ERCC5: variants seen among roughly 807,000 people sequenced by gnomAD.
ERCC5 encodes DNA excision repair protein ERCC-5.
ERCC5 carries 68 observed loss-of-function variants against 105.6 expected under a neutral mutation model. That is an observed-to-expected ratio of 0.64 (90% CI 0.53 to 0.79). The LOEUF is 0.79. ERCC5 is among the 30% of genes least tolerant of loss of function. The pLI is 0.00. For missense variants in ERCC5, 1,373 were observed against 1,426.7 expected (o/e 0.96, Z 0.61); for synonymous variants, 546 against 526.2 (o/e 1.04, Z -0.51).
In ERCC5 at chr13:102,858,279, A is replaced by G. The variant is rs1458700366; in HGVS notation, c.533A>G (p.Glu178Gly). The change falls in exon 6 of 15, where the codon GAG (glutamate) becomes GGG (glycine). Residue 178 changes from glutamate to glycine, a missense_variant. Around this residue, in one of 3 missense-constraint regions of ERCC5, gnomAD observed 1,004 missense variants for 1,059.7 expected, o/e 0.95. Coordinates refer to ENST00000652225, the MANE Select transcript of ERCC5 (RefSeq NM_000123.4). ...GCTGTGATTTTATCTTTACAGGAAG[A>G]GTTCTTTCATAATCCTCAAGCGATA... ...RMNQKQALQE[E>G]FFHNPQAIDI... 16 of 1,614,054 alleles carry G rather than the reference A, an allele frequency of 9.9e-6. No homozygotes were observed. The Admixed American group carries it at 2.0e-4, about 20-fold the overall frequency.
At chr13:102,861,909 C>A in intron 7 of ERCC5, 121 bp from the exon 8 acceptor site, 1 of 1,438,060 alleles carries the variant, frequency 7.0e-7, no homozygotes, top group Non-Finnish European at 9.7e-7. Flanking sequence ...CTCCTAGTTG[C>A]CGATTAAATG....
At chr13:102,874,072 A>G (rs996930472) in intron 14 of ERCC5, among the ~76,000 whole-genome samples, 3 of 152,200 alleles carry the variant, frequency 2.0e-5, no homozygotes, top group African/African-American at 4.8e-5. Context: ...TTGGATGACT[A>G]TCTACTGGAA....
chr13:102,874,528 TA>T (rs1398518873), intron 14 of ERCC5, among the ~76,000 whole-genome samples: 1 of 152,214 alleles, frequency 6.6e-6, no homozygotes, highest in Non-Finnish European at 1.5e-5. Context: ...TTTACCCATA[TA>T]TTTTTTTTTT....
intron 11 of ERCC5, 132 bp downstream of exon 11, chr13:102,866,977 T>G (rs1882862829): frequency 8.6e-6 from 8 of 931,156 alleles, no homozygotes; most frequent in Non-Finnish European, 1.3e-5. Context: ...TTTATATGAG[T>G]GATCTTTGGC....
At chr13:102,875,238 G>T in intron 14 of ERCC5, 69 bp from the exon 15 acceptor site, 1 of 1,536,536 alleles carries the variant, frequency 6.5e-7, no homozygotes, top group Non-Finnish European at 8.9e-7. Context: ...GGTTGAGCTT[G>T]TTGATTTGGT....
chr13:102,868,169 G>A lies in ERCC5; in HGVS notation c.2590G>A (p.Glu864Lys), dbSNP rs778950664. 1.4e-5 allele frequency: 22 copies of A among 1,614,006 alleles called. No individual in the cohort carries two copies. The highest frequency in any genetic ancestry group is 8.9e-5 in the East Asian group (4 of 44,884). ...LAYLLGSDYT[E>K]GIPTVGCVTA... ...TTATTTGCTTGGAAGTGATTATACC[G>A]AAGGAATACCAACTGTGGGTTGTGT... The change falls in exon 12 of 15, where the codon GAA (glutamate) becomes AAA (lysine). Residue 864 changes from glutamate to lysine, a missense_variant. Glu to Lys is a moderately conservative substitution (Grantham distance 56). Around this residue, in one of 3 missense-constraint regions of ERCC5, gnomAD observed 1,004 missense variants for 1,059.7 expected, o/e 0.95. Transcript: ENST00000652225.
At chr13:102,852,566 G>A (rs774588697) in intron 2 of ERCC5, among the ~76,000 whole-genome samples, 13 of 152,130 alleles carry the variant, frequency 8.5e-5, no homozygotes, top group Non-Finnish European at 1.3e-4. Flanking sequence ...CCCTTCAGAG[G>A]ATCTTGTTAG....
chr13:102,867,898 G>A (rs756655085), intron 11 of ERCC5, among the ~76,000 whole-genome samples: 5 of 152,242 alleles, frequency 3.3e-5, no homozygotes, highest in Middle Eastern at 3.4e-3. Flanking sequence ...GGGGGTCAGC[G>A]TATAGAGGGT....
chr13:102,863,805 G>C (rs915527088), intron 8 of ERCC5, among the ~76,000 whole-genome samples: 7 of 152,128 alleles, frequency 4.6e-5, no homozygotes, highest in Non-Finnish European at 1.0e-4. Flanking sequence ...ATGCAATGGA[G>C]AGAGAGCAAG....
chr13:102,860,543 G>A (rs1392559148), intron 6 of ERCC5, among the ~76,000 whole-genome samples: 1 of 152,184 alleles, frequency 6.6e-6, no homozygotes, highest in Non-Finnish European at 1.5e-5. Flanking sequence ...CCCCAAGGAT[G>A]AGGGGGCTGT....
rs750643985 is a variant in ERCC5 at position 102,873,291 on chromosome 13, C to G, written c.2912C>G (p.Thr971Arg). The change falls in exon 14 of 15, where the codon ACG becomes AGG. Residue 971 changes from threonine to arginine, a missense_variant. Coordinates refer to ENST00000652225, the MANE Select transcript of ERCC5 (RefSeq NM_000123.4). ...CAGCGGTATTTCGGCTGGAACAGAA[C>G]GAAGACAGATGAATCTCTGTTTCCT... Reference protein sequence around the residue: ...FCQRYFGWNRTKTDESLFPVL... With the variant: ...FCQRYFGWNRRKTDESLFPVL... 6.2e-7 allele frequency: 1 copy of G among 1,614,052 alleles called. No homozygotes were observed. Among genetic ancestry groups the G allele is most frequent in the East Asian group, 2.2e-5 (1 of 44,860 alleles).
In ERCC5 at chr13:102,846,253, G is replaced by A; in HGVS notation, c.-14G>A. 2 of 1,610,936 alleles carry A rather than the reference G, an allele frequency of 1.2e-6. No individual in the cohort carries two copies. Among genetic ancestry groups the A allele is most frequent in the Non-Finnish European group, 1.7e-6 (2 of 1,178,262 alleles). ...AGAAGTTGTCGGGGTCCGCTCTTAG[G>A]ACGCAGCCGCCTCATGGGGGTCCAG... On this transcript the variant is annotated 5_prime_UTR_variant, in exon 1 of 15. Transcript: ENST00000652225.
rs778610089 is a variant in ERCC5, at chr13:102,849,347, G to T, written c.89-2771G>T. On this transcript the variant is annotated intron_variant, in intron 1 of 14. Coordinates refer to ENST00000652225, the MANE Select transcript of ERCC5 (RefSeq NM_000123.4). ...TAAATCATGTTCTAGAAACTTCCCA[G>T]TGGCCGTATCACCTCCTGCCATTCC... is the stretch of plus-strand genomic sequence containing the variant. 2.3e-5 allele frequency: 12 copies of T among 518,854 alleles called. No individual in the cohort carries two copies. In the East Asian group the frequency reaches 6.5e-4, roughly 28 times the overall value. 32.1% of individuals were successfully genotyped at this position (518,854 alleles called of 1,614,324 possible).
At position 102,846,271 on chromosome 13, in the gene ERCC5, G is replaced by T. The variant is rs1242514429; in HGVS notation, c.5G>T (p.Gly2Val). 1 of 1,613,202 alleles carries T rather than the reference G, an allele frequency of 6.2e-7. No individual in the cohort carries two copies. Among genetic ancestry groups the T allele is most frequent in the Non-Finnish European group, 8.5e-7 (1 of 1,179,726 alleles). Reference protein sequence around the residue: MGVQGLWKLLEC... With the variant: MVVQGLWKLLEC... ...CTCTTAGGACGCAGCCGCCTCATGGGGGTCCAGGGGCTCTGGAAGCTGCTG... is the reference window on the plus strand; with the variant it reads ...CTCTTAGGACGCAGCCGCCTCATGGTGGTCCAGGGGCTCTGGAAGCTGCTG... The change falls in exon 1 of 15, where the codon GGG (glycine) becomes GTG (valine). Residue 2 changes from glycine to valine, a missense_variant. By Grantham distance (109) the Gly-to-Val change is moderately radical. Coordinates refer to ENST00000652225, the MANE Select transcript of ERCC5 (RefSeq NM_000123.4).
chr13:102,869,171 C>T (rs902113291), intron 12 of ERCC5, among the ~76,000 whole-genome samples: 4 of 152,148 alleles, frequency 2.6e-5, no homozygotes, highest in African/African-American at 4.8e-5. Context: ...CTGAAATGAA[C>T]GGCGAAACTG....
rs902233934 is a variant in ERCC5 at position 102,846,222 on chromosome 13, T to TA, written c.-44dup. ...GCGGTGCAGTCCGTCGTAGAAGAATTAGAGTAGAAGTTGTCGGGGTCCGCT... is the reference window on the plus strand; with the variant it reads ...GCGGTGCAGTCCGTCGTAGAAGAATTAAGAGTAGAAGTTGTCGGGGTCCGCT... On this transcript the variant is annotated 5_prime_UTR_variant, in exon 1 of 15. Coordinates refer to ENST00000652225, the MANE Select transcript of ERCC5 (RefSeq NM_000123.4). The TA allele has an allele frequency of 1.9e-5, 29 of 1,530,902 alleles. No individual in the cohort carries two copies. In the Admixed American group the frequency reaches 2.9e-4, roughly 16 times the overall value. 94.8% of individuals were successfully genotyped at this position (1,530,902 alleles called of 1,614,324 possible).
intron 6 of ERCC5, among the ~76,000 whole-genome samples, chr13:102,859,305 GC>G (rs1292549279): frequency 9.9e-5 from 15 of 152,198 alleles, no homozygotes; most frequent in African/African-American, 3.4e-4. Context: ...TTTGAATATT[GC>G]TTAAATTGAT....
In ERCC5 at chr13:102,868,277, TA is replaced by T; in HGVS notation, c.2678+22del. 6.2e-7 allele frequency: 1 copy of T among 1,614,130 alleles called. No homozygotes were observed. Among genetic ancestry groups the T allele is most frequent in the Non-Finnish European group, 8.5e-7 (1 of 1,179,964 alleles). The stretch of plus-strand genomic sequence containing the variant: ...ATTCTCGTAAGGTCTTTTATTTCTT[TA>T]ATTTGGATAATTGTGTAAATACCCA... On this transcript the variant is annotated intron_variant, in intron 12 of 14. Transcript: ENST00000652225.
chr13:102,859,087 G>T, intron 6 of ERCC5: 1 of 342,844 alleles, frequency 2.9e-6, no homozygotes, highest in Non-Finnish European at 5.9e-6. Context: ...TGTGTCTCCT[G>T]ATCATGCTGC....
Sources: allele counts gnomAD v4.1 joint callset (sites outside exome capture counted in the v4.1 genomes callset), GRCh38; gene constraint gnomAD v4.1.1; regional missense constraint gnomAD v4.1.1; transcripts MANE v1.5; gene names NCBI Gene and HGNC (gene_info 2026-07-23, HGNC 2026-07-21).